Variants in TENM3 observed in about 807,000 individuals in gnomAD.
TENM3 encodes the protein teneurin-3.
A neutral mutation model predicts 255.1 loss-of-function variants in TENM3; 63 were observed. The observed-to-expected ratio is 0.25, with a 90% CI of 0.20 to 0.30. The LOEUF (loss-of-function observed/expected upper bound fraction) is 0.30. Ranked by LOEUF, TENM3 falls within the 10% of genes least tolerant of loss-of-function variation. TENM3 has a pLI of 1.00. For missense variants in TENM3, 2,929 were observed against 3,461.1 expected, an observed-to-expected ratio of 0.85 and a Z score of 3.86; for synonymous variants, 1,306 against 1,322.3, an observed-to-expected ratio of 0.99 and a Z score of 0.27.
intron 3 of TENM3, among the ~76,000 whole-genome samples, chr4:182,369,274 T>C (rs1263873399): frequency 6.6e-6 from 1 of 152,210 alleles, no homozygotes; most frequent in East Asian, 1.9e-4. Flanking sequence ...AGTAGTATTA[T>C]CTGTGTTTTA....
the TENM3 span, among the ~76,000 whole-genome samples, chr4:181,630,870 C>T: frequency 1.3e-5 from 2 of 152,066 alleles, no homozygotes; most frequent in Middle Eastern, 3.4e-3. Context: ...GGTGTGCACA[C>T]ATTTTTTATT....
At chr4:181,758,496 C>G in the TENM3 span, among the ~76,000 whole-genome samples, 1 of 152,138 alleles carries the variant, frequency 6.6e-6, no homozygotes, top group East Asian at 1.9e-4. Flanking sequence ...CACAGAGCAG[C>G]ATTTGCATAG....
At chr4:181,636,809 C>T in the TENM3 span, among the ~76,000 whole-genome samples, 1 of 152,234 alleles carries the variant, frequency 6.6e-6, no homozygotes, top group African/African-American at 2.4e-5. Context: ...GATCATGTCA[C>T]TGCTCTTCTG....
chr4:181,525,818 C>T, the TENM3 span, among the ~76,000 whole-genome samples: 9 of 152,120 alleles, frequency 5.9e-5, no homozygotes, highest in Admixed American at 4.6e-4. Flanking sequence ...GGGTGAGTGC[C>T]CTCAGGCAGA....
At chr4:182,213,117 C>A (rs1349334977) in intron 1 of TENM3, among the ~76,000 whole-genome samples, 1 of 152,170 alleles carries the variant, frequency 6.6e-6, no homozygotes, top group Non-Finnish European at 1.5e-5. Context: ...TTCAGGAAAA[C>A]CAGATCTTCC....
chr4:182,700,841 T>G lies in TENM3; in HGVS notation c.2221+12490T>G, dbSNP rs572830508. Among the ~76,000 whole-genome samples, 101 of 152,278 alleles carry G rather than the reference T, an allele frequency of 6.6e-4. 2 individuals carry two copies. The South Asian group carries it at 0.021, about 31-fold the overall frequency. ...ATTTTTCTTATATACTAAATTAGTT[T>G]TTAGGGTAATCTACATTGCAAATTG... On this transcript the variant is annotated intron_variant, in intron 12 of 27. Coordinates refer to ENST00000511685, the MANE Select transcript of TENM3 (RefSeq NM_001080477.4).
chr4:182,027,518 G>T, the TENM3 span, among the ~76,000 whole-genome samples: 1 of 151,480 alleles, frequency 6.6e-6, no homozygotes, highest in Admixed American at 6.6e-5. Flanking sequence ...TTGAATAACA[G>T]TGATGAAAAT....
the TENM3 span, among the ~76,000 whole-genome samples, chr4:181,533,312 A>G: frequency 6.6e-6 from 1 of 152,208 alleles, no homozygotes; most frequent in Non-Finnish European, 1.5e-5. Context: ...CTATTGTGTC[A>G]CAGTACCGCC....
intron 3 of TENM3, among the ~76,000 whole-genome samples, chr4:182,438,132 G>A (rs1561446778): frequency 1.3e-5 from 2 of 152,142 alleles, no homozygotes; most frequent in African/African-American, 4.8e-5. Context: ...CTGGTCAGAA[G>A]AATAATATCC....
the TENM3 span, among the ~76,000 whole-genome samples, chr4:182,066,738 G>A: frequency 4.6e-5 from 7 of 151,580 alleles, no homozygotes; most frequent in East Asian, 1.9e-4. Flanking sequence ...ATGAAACCCC[G>A]TCTCCACTAA....
chr4:182,678,897 G>A (rs1334888097), intron 7 of TENM3, among the ~76,000 whole-genome samples: 1 of 152,170 alleles, frequency 6.6e-6, no homozygotes, highest in Non-Finnish European at 1.5e-5. Context: ...GCTTATATGT[G>A]GGAGCTAAAA....
At chr4:182,755,347 G>A in intron 22 of TENM3, 88 bp downstream of exon 22, 1 of 1,245,844 alleles carries the variant, frequency 8.0e-7, no homozygotes, top group South Asian at 1.7e-5. Context: ...AAGAGCTGGA[G>A]GATTCCATGT....
intron 10 of TENM3, among the ~76,000 whole-genome samples, chr4:182,680,979 C>A (rs1756126580): frequency 6.6e-6 from 1 of 152,180 alleles, no homozygotes; most frequent in Non-Finnish European, 1.5e-5. Flanking sequence ...TCTGAGAAAG[C>A]AAGCAAACCT....
At chr4:181,536,543 G>C in the TENM3 span, among the ~76,000 whole-genome samples, 9 of 152,312 alleles carry the variant, frequency 5.9e-5, no homozygotes, top group East Asian at 1.3e-3. Context: ...ATGGCTCCTT[G>C]CCATCTGGGA....
the TENM3 span, among the ~76,000 whole-genome samples, chr4:181,511,097 C>T: frequency 6.6e-6 from 1 of 152,022 alleles, no homozygotes. Context: ...CCAGGGATGC[C>T]ACAGAGATGT....
At chr4:181,952,953 A>G in the TENM3 span, among the ~76,000 whole-genome samples, 1 of 152,296 alleles carries the variant, frequency 6.6e-6, no homozygotes, top group African/African-American at 2.4e-5. Flanking sequence ...CATGCATTCA[A>G]CAGTCATTGT....
At chr4:182,750,872 C>T (rs1762322252) in intron 19 of TENM3, among the ~76,000 whole-genome samples, 1 of 152,044 alleles carries the variant, frequency 6.6e-6, no homozygotes, top group Non-Finnish European at 1.5e-5. Flanking sequence ...GGTTTTTGTT[C>T]AGAAGACAAT....
chr4:182,460,344 T>A (rs552540568), intron 3 of TENM3, among the ~76,000 whole-genome samples: 1 of 152,308 alleles, frequency 6.6e-6, no homozygotes, highest in African/African-American at 2.4e-5. Context: ...TTAGCCATAA[T>A]CTGATAACAT....
the TENM3 span, among the ~76,000 whole-genome samples, chr4:181,846,886 T>C: frequency 6.6e-6 from 1 of 152,240 alleles, no homozygotes; most frequent in Non-Finnish European, 1.5e-5. Context: ...AGAAATAATA[T>C]TTTTGTGTAC....
Sources: allele counts gnomAD v4.1 joint callset (sites outside exome capture counted in the v4.1 genomes callset), GRCh38; gene constraint gnomAD v4.1.1; transcripts MANE v1.5; gene names NCBI Gene and HGNC (gene_info 2026-07-23, HGNC 2026-07-21).